UBR1: variants seen among roughly 807,000 people sequenced by gnomAD.
The protein encoded by UBR1 is ubiquitin protein ligase E3 component n-recognin 1.
A neutral mutation model predicts 242.1 loss-of-function variants in UBR1; 102 were observed. The ratio of observed to expected loss-of-function variants is 0.42; its 90% CI spans 0.36 to 0.50. The LOEUF is 0.50. UBR1 is among the 20% of genes least tolerant of loss of function. UBR1 has a pLI of 0.01. For synonymous variants in UBR1, 675 were observed against 684.8 expected (o/e 0.99, Z 0.22); for missense variants, 1,772 against 2,101.8 (o/e 0.84, Z 3.07).
chr15:43,092,887 C>G (rs1033308586), intron 1 of UBR1, among the ~76,000 whole-genome samples: 10 of 152,130 alleles, frequency 6.6e-5, no homozygotes, highest in African/African-American at 2.4e-4. Flanking sequence ...CAGTTACACT[C>G]TTCACAAAAA....
intron 44 of UBR1, among the ~76,000 whole-genome samples, chr15:42,955,857 T>G (rs988235699): frequency 6.6e-6 from 1 of 152,254 alleles, no homozygotes; most frequent in African/African-American, 2.4e-5. Context: ...TTTTATCATG[T>G]AGACACATGT....
chr15:42,989,872 C>T (rs991425489), intron 34 of UBR1, among the ~76,000 whole-genome samples, 158 bp downstream of exon 34: 7 of 152,126 alleles, frequency 4.6e-5, no homozygotes, highest in African/African-American at 1.7e-4. Context: ...CAAACCACTT[C>T]ATTTTGTTAA....
intron 12 of UBR1, among the ~76,000 whole-genome samples, chr15:43,050,744 G>A (rs971502312): frequency 2.7e-5 from 4 of 147,306 alleles, no homozygotes; most frequent in Non-Finnish European, 4.5e-5. Flanking sequence ...AAAAAAAAGC[G>A]GGGCAGGGGA....
intron 1 of UBR1, among the ~76,000 whole-genome samples, chr15:43,095,232 C>T (rs919646870): frequency 6.6e-6 from 1 of 152,138 alleles, no homozygotes; most frequent in Non-Finnish European, 1.5e-5. Flanking sequence ...CTGGCTTACC[C>T]ATAAATACCA....
intron 25 of UBR1, 132 bp from the exon 26 acceptor site, chr15:43,022,933 G>T: frequency 1.8e-6 from 1 of 560,386 alleles, no homozygotes. Context: ...GGCAATCCTA[G>T]CTTACTGCAG....
chr15:43,103,494 G>A (rs1330317712), intron 1 of UBR1, among the ~76,000 whole-genome samples: 3 of 152,224 alleles, frequency 2.0e-5, no homozygotes, highest in Non-Finnish European at 4.4e-5. Flanking sequence ...GGACATGCTT[G>A]TGAAAATGCA....
chr15:43,096,430 G>C (rs978638325), intron 1 of UBR1, among the ~76,000 whole-genome samples: 4 of 152,144 alleles, frequency 2.6e-5, no homozygotes, highest in Non-Finnish European at 1.5e-5. Context: ...CCAAAGTGCT[G>C]GGATTACAGC....
chr15:43,017,269 T>C (rs2033040089), intron 27 of UBR1, 88 bp from the exon 28 acceptor site: 4 of 900,562 alleles, frequency 4.4e-6, no homozygotes, highest in East Asian at 2.6e-5. Context: ...GATTTTGGCA[T>C]CATATCTCCA....
At position 42,950,348 on chromosome 15, in the gene UBR1, T is replaced by G; in HGVS notation, c.5022A>C (p.Arg1674=). The change falls in exon 46 of 47, where the codon CGA becomes CGC. Residue 1674 remains arginine, a synonymous_variant. Transcript: ENST00000290650. The part of the protein sequence containing the change: ...VCIFLKIREC[R]VVLVEGKARG... ...TGGCTTTACCTTCAACCAGGACCAC[T>G]CGGCATTCTCTGATTCTGAAAGAGA... is the stretch of plus-strand genomic sequence containing the variant. 1 of 1,614,124 alleles carries G rather than the reference T, an allele frequency of 6.2e-7. No individual in the cohort carries two copies.
chr15:43,101,434 A>C (rs1295689822), intron 1 of UBR1, among the ~76,000 whole-genome samples: 1 of 152,202 alleles, frequency 6.6e-6, no homozygotes. Flanking sequence ...TTTGTCTTCA[A>C]GAGCTATGAT....
At chr15:43,098,430 C>T (rs537920511) in intron 1 of UBR1, among the ~76,000 whole-genome samples, 1 of 152,214 alleles carries the variant, frequency 6.6e-6, no homozygotes, top group Non-Finnish European at 1.5e-5. Flanking sequence ...ACAGGGTTGC[C>T]ATAGACTTTC....
chr15:43,103,540 T>C lies in UBR1; in HGVS notation c.81+2402A>G, dbSNP rs531400777. On this transcript the variant is annotated intron_variant, in intron 1 of 46. Coordinates refer to ENST00000290650, the MANE Select transcript of UBR1 (RefSeq NM_174916.3). ...CCTCACCTCAGACCTACAGTATCAG[T>C]TCCCCTGGTAATTCTTAAGCAATGG... Among the ~76,000 whole-genome samples, 66 of 152,318 alleles carry C rather than the reference T, an allele frequency of 4.3e-4. No homozygotes were observed. The South Asian group carries it at 0.012, about 28-fold the overall frequency.
At chr15:43,040,423 TC>T (rs2033402042) in intron 15 of UBR1, among the ~76,000 whole-genome samples, 2 of 152,172 alleles carry the variant, frequency 1.3e-5, no homozygotes, top group Non-Finnish European at 2.9e-5. Context: ...CTGGATCCCT[TC>T]CTTACACCTT....
intron 43 of UBR1, 95 bp from the exon 44 acceptor site, chr15:42,958,185 A>ACCACCG: frequency 1.2e-6 from 1 of 810,750 alleles, no homozygotes. Context: ...AAAAATAACA[A>ACCACCG]AAGGATCTAC....
chr15:43,003,984 A>G, intron 30 of UBR1, 54 bp from the exon 31 acceptor site: 1 of 1,484,538 alleles, frequency 6.7e-7, no homozygotes, highest in Non-Finnish European at 9.4e-7. Context: ...TCAGGTCCAA[A>G]GTCTAATCAC....
At chr15:43,005,053 G>A (rs1448803049) in intron 30 of UBR1, among the ~76,000 whole-genome samples, 9 of 150,180 alleles carry the variant, frequency 6.0e-5, no homozygotes, top group South Asian at 2.1e-4. Flanking sequence ...ACTGAGGAGC[G>A]TCTCTGCCCG....
At chr15:43,055,271 C>T (rs938984753) in intron 11 of UBR1, among the ~76,000 whole-genome samples, 5 of 152,060 alleles carry the variant, frequency 3.3e-5, no homozygotes, top group African/African-American at 1.2e-4. Context: ...ATGGCAAAAC[C>T]CCATCTCCAC....
chr15:43,096,190 C>G (rs930494703), intron 1 of UBR1, among the ~76,000 whole-genome samples: 2 of 116,360 alleles, frequency 1.7e-5, no homozygotes, highest in Non-Finnish European at 3.7e-5. Context: ...TTTTTTTTTT[C>G]TGAGACAGAG....
chr15:43,026,518 A>G, intron 23 of UBR1, 43 bp downstream of exon 23: 1 of 1,553,886 alleles, frequency 6.4e-7, no homozygotes, highest in East Asian at 2.3e-5. Context: ...TAGAAAGCAT[A>G]AAGCATTTAG....
Sources: gnomAD v4.1 joint callset for allele counts (sites outside exome capture counted in the v4.1 genomes callset) on GRCh38, gnomAD v4.1.1 for gene constraint, MANE v1.5 for transcripts, NCBI Gene and HGNC (gene_info 2026-07-23, HGNC 2026-07-21) for gene names.